CPEB3: variants seen among roughly 807,000 people sequenced by gnomAD.
CPEB3 encodes cytoplasmic polyadenylation element binding protein 3, also known as cytoplasmic polyadenylation element-binding protein 3.
In CPEB3, 20 loss-of-function variants were observed where a neutral mutation model predicts 67.2. The ratio of observed to expected loss-of-function variants is 0.30; its 90% CI spans 0.21 to 0.43. The LOEUF (loss-of-function observed/expected upper bound fraction) is 0.43. Ranked by LOEUF, CPEB3 falls within the 20% of genes least tolerant of loss-of-function variation. The pLI is 1.00. For missense variants in CPEB3, 746 were observed against 968.6 expected, an observed-to-expected ratio of 0.77 and a Z score of 3.05; for synonymous variants, 376 against 393.1, an observed-to-expected ratio of 0.96 and a Z score of 0.51.
intron 4 of CPEB3, among the ~76,000 whole-genome samples, chr10:92,173,637 A>C (rs531008485): frequency 6.6e-6 from 1 of 152,324 alleles, no homozygotes; most frequent in Admixed American, 6.5e-5. Flanking sequence ...ACCCTCAACC[A>C]GGAGGCAAGA....
chr10:92,258,644 A>G (rs1179011554), intron 1 of CPEB3, among the ~76,000 whole-genome samples: 2 of 31,086 alleles, frequency 6.4e-5, no homozygotes, highest in Non-Finnish European at 2.6e-4. Context: ...ATATATATAT[A>G]TATATATATA....
chr10:92,185,929 TAA>T (rs1481763649), intron 3 of CPEB3, among the ~76,000 whole-genome samples: 15 of 152,296 alleles, frequency 9.8e-5, no homozygotes, highest in South Asian at 2.1e-4. Flanking sequence ...ATGTTCCAAA[TAA>T]CCAATAATCA....
intron 1 of CPEB3, among the ~76,000 whole-genome samples, chr10:92,289,732 A>AATAT (rs71025390): frequency 0.017 from 1,289 of 75,532 alleles, 89 homozygotes; most frequent in Middle Eastern, 0.059. Flanking sequence ...AAAAAAAAAA[A>AATAT]ATATATATAT....
At chr10:92,080,785 C>T (rs1008473518) in intron 9 of CPEB3, among the ~76,000 whole-genome samples, 29 of 151,850 alleles carry the variant, frequency 1.9e-4, no homozygotes, top group Admixed American at 5.3e-4. Context: ...TTAGTAGAGA[C>T]GGGGTTTCAC....
intron 9 of CPEB3, among the ~76,000 whole-genome samples, chr10:92,057,880 A>G (rs1023391926): frequency 6.6e-6 from 1 of 152,220 alleles, no homozygotes; most frequent in African/African-American, 2.4e-5. Context: ...GAACCACAGC[A>G]TTACTGGGCA....
intron 2 of CPEB3, among the ~76,000 whole-genome samples, chr10:92,203,687 G>A (rs941806609): frequency 1.3e-5 from 2 of 151,890 alleles, no homozygotes; most frequent in Non-Finnish European, 2.9e-5. Context: ...CTCCCAAAGT[G>A]CTGGGATTGC....
At chr10:92,053,403 C>CA (rs1393696735) in intron 9 of CPEB3, among the ~76,000 whole-genome samples, 3 of 151,908 alleles carry the variant, frequency 2.0e-5, no homozygotes, top group Non-Finnish European at 4.4e-5. Context: ...CTCACTCTGT[C>CA]GCCAGGCTGG....
At chr10:92,256,831 G>A (rs1467241462) in intron 1 of CPEB3, among the ~76,000 whole-genome samples, 1 of 152,136 alleles carries the variant, frequency 6.6e-6, no homozygotes, top group African/African-American at 2.4e-5. Flanking sequence ...CTCTATTACA[G>A]TATTTATTCT....
chr10:92,178,220 G>A (rs1299264761), intron 4 of CPEB3, among the ~76,000 whole-genome samples: 3 of 149,896 alleles, frequency 2.0e-5, no homozygotes, highest in Admixed American at 6.7e-5. Context: ...GTGCAGTGGC[G>A]TGATCTCGGC....
At chr10:92,127,300 G>A (rs1845646078) in intron 6 of CPEB3, among the ~76,000 whole-genome samples, 1 of 152,086 alleles carries the variant, frequency 6.6e-6, no homozygotes, top group Non-Finnish European at 1.5e-5. Flanking sequence ...GACAGAAAAT[G>A]CGAGTAAGAG....
chr10:92,093,996 C>T (rs1012443603), intron 7 of CPEB3, among the ~76,000 whole-genome samples: 5 of 151,894 alleles, frequency 3.3e-5, no homozygotes, highest in Non-Finnish European at 4.4e-5. Context: ...TTGGAATTAC[C>T]GGCACCTGCC....
In CPEB3 at chr10:92,052,083, A is replaced by C. The variant is rs1392853415; in HGVS notation, c.*129T>G. The stretch of plus-strand genomic sequence containing the variant: ...AAATAATAATAATAATAATAAAAAG[A>C]CCCAATTCTTCTTTAAAAATCGAGA... On this transcript the variant is annotated 3_prime_UTR_variant, in exon 10 of 10. Coordinates refer to ENST00000265997, the MANE Select transcript of CPEB3 (RefSeq NM_014912.5). 9.8e-6 allele frequency: 6 copies of C among 612,260 alleles called. No individual in the cohort carries two copies. Among genetic ancestry groups the C allele is most frequent in the Non-Finnish European group, 1.7e-5 (6 of 343,344 alleles). The allele number at this position is 612,260 out of a possible 1,614,324, so 37.9% of individuals were successfully genotyped here. A position where few individuals can be genotyped will look rare whatever the true frequency, so the allele number is the denominator to read the frequency against.
At chr10:92,281,994 G>A (rs1198255540) in intron 1 of CPEB3, among the ~76,000 whole-genome samples, 1 of 152,254 alleles carries the variant, frequency 6.6e-6, no homozygotes, top group South Asian at 2.1e-4. Context: ...GGTCTGCAAG[G>A]CCATACTTTG....
intron 4 of CPEB3, among the ~76,000 whole-genome samples, chr10:92,176,044 T>C (rs1848208699): frequency 6.6e-6 from 1 of 151,764 alleles, no homozygotes; most frequent in Non-Finnish European, 1.5e-5. Context: ...TGAGCCGAGA[T>C]TACACCACTG....
chr10:92,139,339 T>C (rs1846276554), intron 6 of CPEB3, among the ~76,000 whole-genome samples: 1 of 147,988 alleles, frequency 6.8e-6, no homozygotes. Flanking sequence ...AGTGGAGTAG[T>C]ATTCAGCCAC....
intron 4 of CPEB3, among the ~76,000 whole-genome samples, chr10:92,147,043 A>G (rs1304033497): frequency 1.3e-5 from 2 of 152,220 alleles, no homozygotes; most frequent in South Asian, 4.1e-4. Context: ...CACTAGTAAC[A>G]TTAGATACTC....
chr10:92,085,671 C>T (rs549745302), intron 8 of CPEB3, among the ~76,000 whole-genome samples: 15 of 152,216 alleles, frequency 9.9e-5, no homozygotes, highest in African/African-American at 3.1e-4. Context: ...TGCAGTGACA[C>T]GATCTCGGCT....
At chr10:92,056,561 C>G (rs1842120213) in intron 9 of CPEB3, among the ~76,000 whole-genome samples, 1 of 152,186 alleles carries the variant, frequency 6.6e-6, no homozygotes, top group African/African-American at 2.4e-5. Flanking sequence ...AGGGGAATCT[C>G]TGATTCCAGC....
intron 1 of CPEB3, among the ~76,000 whole-genome samples, chr10:92,250,039 T>A (rs1354754386): frequency 6.6e-6 from 1 of 150,996 alleles, no homozygotes; most frequent in Non-Finnish European, 1.5e-5. Flanking sequence ...TATATATATA[T>A]GTTATATAGC....
Sources: allele counts gnomAD v4.1 joint callset (sites outside exome capture counted in the v4.1 genomes callset), GRCh38; gene constraint gnomAD v4.1.1; transcripts MANE v1.5; gene names NCBI Gene and HGNC (gene_info 2026-07-23, HGNC 2026-07-21).